The following PDE1C variants were observed in gnomAD, a reference collection of about 807,000 sequenced individuals.
The protein encoded by PDE1C is phosphodiesterase 1C.
A neutral mutation model predicts 93.1 loss-of-function variants in PDE1C; 62 were observed. The ratio of observed to expected loss-of-function variants is 0.67; its 90% CI spans 0.54 to 0.82. The LOEUF is 0.82. PDE1C is among the 40% of genes least tolerant of loss of function. The probability of loss-of-function intolerance (pLI) is 0.00; values close to 1 mark genes in which losing one functional copy is unlikely to be tolerated. For missense variants in PDE1C, 742 were observed against 884.6 expected, an observed-to-expected ratio of 0.84 and a Z score of 2.04; for synonymous variants, 325 against 310.1, an observed-to-expected ratio of 1.05 and a Z score of -0.50.
chr7:31,654,196 A>G, the PDE1C span, among the ~76,000 whole-genome samples: 1 of 152,210 alleles, frequency 6.6e-6, no homozygotes, highest in Non-Finnish European at 1.5e-5. Flanking sequence ...GCCTTGCTAA[A>G]GGGAAGGCTA....
intron 11 of PDE1C, among the ~76,000 whole-genome samples, chr7:31,835,434 A>G (rs12701143): frequency 0.28 from 42,141 of 151,790 alleles, 6,060 homozygotes; most frequent in Middle Eastern, 0.45. Flanking sequence ...AATTACTCTG[A>G]GAGGGTGAGC....
chr7:32,126,200 T>C (rs972954004), intron 3 of PDE1C, among the ~76,000 whole-genome samples: 9 of 101,424 alleles, frequency 8.9e-5, no homozygotes, highest in African/African-American at 3.3e-4. Context: ...AATCCACTAT[T>C]CTAGATAGAT....
chr7:31,926,818 T>C (rs1803451758), intron 2 of PDE1C, among the ~76,000 whole-genome samples: 2 of 143,818 alleles, frequency 1.4e-5, no homozygotes, highest in Admixed American at 6.9e-5. Context: ...CCTGGTCTCA[T>C]GTGCCTACAC....
intron 1 of PDE1C, among the ~76,000 whole-genome samples, chr7:32,284,895 T>C (rs1585077965): frequency 6.6e-6 from 1 of 152,154 alleles, no homozygotes; most frequent in East Asian, 1.9e-4. Flanking sequence ...CCAGGCATGA[T>C]GGTGGGTGCC....
rs3079658 is a variant in PDE1C, at chr7:32,386,089, CTTTTT to C, written c.310+41728_310+41732del. On this transcript the variant is annotated intron_variant, in intron 1 of 1. Transcript: ENST00000672256. ...CCTTTGTCCCTCCACCTTTTTCTTT[CTTTTT>C]TTTTTTTTTTTTTCCAGAAACAAAA... Among the ~76,000 whole-genome samples, 626 of 137,506 alleles carry C rather than the reference CTTTTT, an allele frequency of 4.6e-3. 3 individuals carry two copies. The highest frequency in any genetic ancestry group is 7.5e-3 in the Non-Finnish European group (482 of 64,670). 90.2% of individuals were successfully genotyped at this position (137,506 alleles called of 152,430 possible). A position where few individuals can be genotyped will look rare whatever the true frequency, so the allele number is the denominator to read the frequency against.
chr7:32,343,323 T>G (rs1253342598), intron 1 of PDE1C, among the ~76,000 whole-genome samples: 1 of 152,152 alleles, frequency 6.6e-6, no homozygotes, highest in Non-Finnish European at 1.5e-5. Context: ...TTGATAGTAT[T>G]TATTTGAGTT....
At chr7:31,859,128 T>TAC (rs1794371171) in intron 7 of PDE1C, among the ~76,000 whole-genome samples, 1 of 149,276 alleles carries the variant, frequency 6.7e-6, no homozygotes, top group Admixed American at 6.7e-5. Context: ...ACTATATATA[T>TAC]ATACTATATA....
intron 8 of PDE1C, among the ~76,000 whole-genome samples, chr7:31,848,823 C>G (rs144920305): frequency 0.016 from 2,402 of 152,260 alleles, 26 homozygotes; most frequent in South Asian, 0.032. Flanking sequence ...GGGATGAAGG[C>G]AAGATCTTCT....
At chr7:32,186,509 A>C (rs1803893420) in intron 2 of PDE1C, among the ~76,000 whole-genome samples, 1 of 152,184 alleles carries the variant, frequency 6.6e-6, no homozygotes, top group Non-Finnish European at 1.5e-5. Flanking sequence ...TTTATTTCCC[A>C]GAAGTTGTCT....
intron 2 of PDE1C, among the ~76,000 whole-genome samples, chr7:31,944,141 C>T (rs1439386266): frequency 6.6e-6 from 1 of 152,118 alleles, no homozygotes; most frequent in East Asian, 1.9e-4. Flanking sequence ...TTCACTTAGC[C>T]CAAACCCCAC....
At chr7:32,071,412 C>A (rs925749302), upstream of PDE1C, 13 of 985,374 alleles carry the variant, frequency 1.3e-5, no homozygotes, top group African/African-American at 1.7e-5. Context: ...ACACCACACT[C>A]AAAAACTCTT....
At chr7:31,674,720 T>C in the PDE1C span, among the ~76,000 whole-genome samples, 1 of 152,142 alleles carries the variant, frequency 6.6e-6, no homozygotes, top group Non-Finnish European at 1.5e-5. Context: ...GTTGTCTACA[T>C]GGAAAAATAA....
At chr7:31,746,303 A>C (rs1794005913), downstream of PDE1C, among the ~76,000 whole-genome samples, 1 of 152,230 alleles carries the variant, frequency 6.6e-6, no homozygotes, top group Admixed American at 6.5e-5. Flanking sequence ...GAGGAATGTA[A>C]AAGATAAAGA....
intron 7 of PDE1C, among the ~76,000 whole-genome samples, chr7:31,855,367 C>G (rs1793882151): frequency 6.6e-6 from 1 of 152,136 alleles, no homozygotes; most frequent in Non-Finnish European, 1.5e-5. Flanking sequence ...ATCTCCTTGA[C>G]TTTGATGAAC....
At chr7:31,806,922 T>C (rs1363541783) in intron 16 of PDE1C, among the ~76,000 whole-genome samples, 1 of 151,936 alleles carries the variant, frequency 6.6e-6, no homozygotes, top group Non-Finnish European at 1.5e-5. Flanking sequence ...ACAATCAATA[T>C]ATCTCCTGAT....
intron 1 of PDE1C, among the ~76,000 whole-genome samples, chr7:32,337,994 A>G (rs1783664540): frequency 6.6e-6 from 1 of 152,226 alleles, no homozygotes; most frequent in South Asian, 2.1e-4. Flanking sequence ...ACCTAAACAT[A>G]AGAGCTAAAA....
At chr7:32,288,501 G>C (rs1319786602) in intron 1 of PDE1C, among the ~76,000 whole-genome samples, 4 of 152,138 alleles carry the variant, frequency 2.6e-5, no homozygotes, top group Non-Finnish European at 5.9e-5. Context: ...GAATGACCCA[G>C]ATGAGAAAGA....
chr7:32,008,115 G>C (rs1463489640), intron 2 of PDE1C, among the ~76,000 whole-genome samples: 2 of 152,118 alleles, frequency 1.3e-5, no homozygotes, highest in African/African-American at 4.8e-5. Flanking sequence ...CTATAACCCT[G>C]TGGCTATTCA....
the PDE1C span, among the ~76,000 whole-genome samples, chr7:31,700,060 G>A: frequency 3.3e-5 from 5 of 152,118 alleles, no homozygotes; most frequent in African/African-American, 9.7e-5. Context: ...TCAACTGAAA[G>A]GAAGAGTTGC....
Sources: allele counts gnomAD v4.1 joint callset (sites outside exome capture counted in the v4.1 genomes callset), GRCh38; gene constraint gnomAD v4.1.1; transcripts MANE v1.5; gene names NCBI Gene and HGNC (gene_info 2026-07-23, HGNC 2026-07-21).